Variants in PUDP observed in about 807,000 individuals in gnomAD.
The protein encoded by PUDP is pseudouridine-5'-phosphatase.
PUDP carries 8 observed loss-of-function variants against 9.4 expected under a neutral mutation model. The observed-to-expected ratio is 0.85, with a 90% CI of 0.50 to 1.53. The LOEUF (loss-of-function observed/expected upper bound fraction) is 1.53. Ranked by LOEUF, PUDP falls within the 40% of genes most tolerant of loss-of-function variation. The pLI is 0.00. For missense variants in PUDP, 188 were observed against 189.7 expected (o/e 0.99, Z 0.05); for synonymous variants, 99 against 80.7 (o/e 1.23, Z -1.22).
At chrX:7,019,639 C>T (rs983596945) in intron 1 of PUDP, among the ~76,000 whole-genome samples, 1 of 111,623 alleles carries the variant, frequency 9.0e-6, no homozygotes, top group African/African-American at 3.3e-5. Flanking sequence ...CTAGCTTGGC[C>T]TCTTCTTCTC....
chrX:7,099,944 A>G (rs1602782322), intron 2 of PUDP, among the ~76,000 whole-genome samples: 1 of 109,113 alleles, frequency 9.2e-6, no homozygotes, highest in East Asian at 2.9e-4. Context: ...TGGTCTAGGT[A>G]GACACACTCC....
intron 1 of PUDP, among the ~76,000 whole-genome samples, chrX:7,146,728 C>G (rs1932867222): frequency 9.0e-6 from 1 of 110,938 alleles, no homozygotes; most frequent in African/African-American, 3.3e-5. Flanking sequence ...TTAAGATGAG[C>G]TCAACATCAT....
At chrX:6,883,985 C>T (rs1278153252) in intron 3 of PUDP, among the ~76,000 whole-genome samples, 1 of 111,138 alleles carries the variant, frequency 9.0e-6, no homozygotes, top group Non-Finnish European at 1.9e-5. Flanking sequence ...GGACTACAGG[C>T]GCCCGCCACC....
At chrX:6,830,192 A>C (rs953698398) in intron 3 of PUDP, among the ~76,000 whole-genome samples, 1 of 111,079 alleles carries the variant, frequency 9.0e-6, no homozygotes, top group African/African-American at 3.3e-5. Flanking sequence ...GATAAAGAAA[A>C]AAGTGAAAAA....
chrX:6,842,044 C>A (rs1396172214), intron 3 of PUDP, among the ~76,000 whole-genome samples: 1 of 111,332 alleles, frequency 9.0e-6, no homozygotes. Flanking sequence ...AATTTGCAAG[C>A]TTCTTCAATG....
chrX:6,819,921 T>C (rs1156372461), intron 3 of PUDP, among the ~76,000 whole-genome samples: 1 of 110,780 alleles, frequency 9.0e-6, no homozygotes, highest in East Asian at 2.8e-4. Context: ...TGTGCAGAAA[T>C]GTACAGATAA....
intron 1 of PUDP, among the ~76,000 whole-genome samples, chrX:7,018,879 T>TA (rs1929589233): frequency 8.9e-6 from 1 of 112,215 alleles, no homozygotes; most frequent in African/African-American, 3.2e-5. Flanking sequence ...AATAGATTGA[T>TA]AACGTTCACT....
upstream of PUDP, among the ~76,000 whole-genome samples, chrX:6,725,756 A>G (rs935152283): frequency 8.9e-6 from 1 of 112,251 alleles, no homozygotes; most frequent in African/African-American, 3.2e-5. Flanking sequence ...TAAAAAGCCA[A>G]AAAGATTACA....
intron 1 of PUDP, among the ~76,000 whole-genome samples, chrX:6,720,293 CA>C (rs1924657410): frequency 3.2e-5 from 2 of 63,399 alleles, no homozygotes; most frequent in African/African-American, 7.5e-5. Context: ...TATATACACA[CA>C]CACACATAAA....
chrX:6,761,657 T>C (rs1925229947), intron 3 of PUDP, among the ~76,000 whole-genome samples: 2 of 111,779 alleles, frequency 1.8e-5, no homozygotes, highest in African/African-American at 6.5e-5. Context: ...AGAATCCTAA[T>C]AGGATTTTTC....
chrX:7,020,233 C>T (rs1455677965), intron 1 of PUDP, among the ~76,000 whole-genome samples: 3 of 110,389 alleles, frequency 2.7e-5, no homozygotes, highest in Non-Finnish European at 5.7e-5. Flanking sequence ...CCATGTTGAG[C>T]CAGGAAATAA....
intron 3 of PUDP, among the ~76,000 whole-genome samples, chrX:7,065,047 C>T (rs1930509266): frequency 9.0e-6 from 1 of 111,468 alleles, no homozygotes; most frequent in Non-Finnish European, 1.9e-5. Context: ...CTTAAAATAT[C>T]CCTTCCTTTT....
At chrX:6,851,831 A>G (rs1308176613) in intron 3 of PUDP, among the ~76,000 whole-genome samples, 1 of 111,084 alleles carries the variant, frequency 9.0e-6, no homozygotes, top group Non-Finnish European at 1.9e-5. Context: ...ATAGCAAAAA[A>G]CCTTGGCCAA....
intron 3 of PUDP, among the ~76,000 whole-genome samples, chrX:6,872,968 T>C (rs905532368): frequency 2.7e-5 from 3 of 111,293 alleles, no homozygotes; most frequent in African/African-American, 9.8e-5. Context: ...ACTGAATTAC[T>C]TCCAGAGGTG....
chrX:6,955,422 G>T (rs1373072222), intron 3 of PUDP, among the ~76,000 whole-genome samples: 1 of 110,381 alleles, frequency 9.1e-6, no homozygotes, highest in African/African-American at 3.3e-5. Context: ...GTCTTGCTAT[G>T]TTGCTTAGGC....
chrX:7,053,448 A>T lies in PUDP; in HGVS notation c.511-2976T>A, dbSNP rs781633104. Reference sequence around the variant, plus strand: ...TGTTGTGGGAGGGACCTGGTGGGAGACAATTGAATCATGGGGGCAGTTTTC... The same window carrying T: ...TGTTGTGGGAGGGACCTGGTGGGAGTCAATTGAATCATGGGGGCAGTTTTC... On this transcript the variant is annotated intron_variant, in intron 3 of 3. Transcript: ENST00000381077. 6.3e-5 allele frequency among the ~76,000 whole-genome samples: 7 copies of T among 111,581 alleles called. No individual in the cohort carries two copies. The East Asian group carries it at 2.0e-3, about 32-fold the overall frequency.
At chrX:6,842,283 A>G (rs1926684447) in intron 3 of PUDP, among the ~76,000 whole-genome samples, 1 of 112,219 alleles carries the variant, frequency 8.9e-6, no homozygotes, top group Non-Finnish European at 1.9e-5. Context: ...ATACTTGAAT[A>G]TAAAATGCCT....
chrX:6,728,505 C>T (rs1302978578), intron 3 of PUDP, among the ~76,000 whole-genome samples: 2 of 111,710 alleles, frequency 1.8e-5, no homozygotes, highest in African/African-American at 6.5e-5. Flanking sequence ...ACAATTTTCC[C>T]GAAACTGTTC....
chrX:7,110,966 G>T (rs1378637160), intron 1 of PUDP, among the ~76,000 whole-genome samples: 3 of 111,926 alleles, frequency 2.7e-5, no homozygotes, highest in Non-Finnish European at 5.6e-5. Context: ...GGTCACAGGG[G>T]ATATGATGGC....
Sources: gnomAD v4.1 joint callset for allele counts (sites outside exome capture counted in the v4.1 genomes callset) on GRCh38, gnomAD v4.1.1 for gene constraint, MANE v1.5 for transcripts, NCBI Gene and HGNC (gene_info 2026-07-23, HGNC 2026-07-21) for gene names.